Variants in MAP3K7CL observed in about 807,000 individuals in gnomAD.
MAP3K7CL encodes MAP3K7 C-terminal-like protein.
MAP3K7CL carries 16 observed loss-of-function variants against 18.6 expected under a neutral mutation model. The observed-to-expected ratio is 0.86, with a 90% CI of 0.58 to 1.31. The LOEUF is 1.31. MAP3K7CL is among the 50% of genes most tolerant of loss of function. The pLI is 0.00. For synonymous variants in MAP3K7CL, 65 were observed against 66.8 expected (o/e 0.97, Z 0.13); for missense variants, 163 against 174.4 (o/e 0.93, Z 0.37).
intron 4 of MAP3K7CL, among the ~76,000 whole-genome samples, chr21:29,109,956 CCAA>C (rs138710455): frequency 0.03 from 4,504 of 152,250 alleles, 103 homozygotes; most frequent in Middle Eastern, 0.099. Flanking sequence ...TGCAAACCCA[CCAA>C]CAAGAGATGT....
At chr21:29,103,437 A>G (rs2086267131) in intron 4 of MAP3K7CL, among the ~76,000 whole-genome samples, 1 of 152,026 alleles carries the variant, frequency 6.6e-6, no homozygotes, top group South Asian at 2.1e-4. Flanking sequence ...CAAAAAAAAA[A>G]TTAAAAATTA....
At chr21:29,114,113 G>C (rs2086465986) in intron 4 of MAP3K7CL, among the ~76,000 whole-genome samples, 2 of 152,082 alleles carry the variant, frequency 1.3e-5, no homozygotes, top group African/African-American at 4.8e-5. Context: ...CTGTCACCCA[G>C]GCTGGAGTGC....
chr21:29,109,605 A>G, intron 4 of MAP3K7CL: 1 of 1,001,358 alleles, frequency 1.0e-6, no homozygotes, highest in Non-Finnish European at 1.2e-6. Flanking sequence ...ATAGCACATT[A>G]TTCCCCTCGT....
At chr21:29,169,491 A>C (rs796607282) in intron 4 of MAP3K7CL, among the ~76,000 whole-genome samples, 41 of 152,320 alleles carry the variant, frequency 2.7e-4, no homozygotes, top group African/African-American at 9.9e-4. Context: ...CTCAAGATCC[A>C]CCAACAATAC....
intron 2 of MAP3K7CL, among the ~76,000 whole-genome samples, chr21:29,148,178 G>T (rs2087185655): frequency 1.3e-5 from 2 of 151,714 alleles, no homozygotes; most frequent in South Asian, 4.2e-4. Flanking sequence ...TGTACTGTAT[G>T]TATATGTGTA....
intron 4 of MAP3K7CL, among the ~76,000 whole-genome samples, chr21:29,166,244 C>T (rs970138458): frequency 2.6e-5 from 4 of 152,148 alleles, no homozygotes; most frequent in Non-Finnish European, 4.4e-5. Context: ...CACATAGGAG[C>T]GTGATTGTGT....
chr21:29,160,170 C>G, intron 4 of MAP3K7CL, 114 bp downstream of exon 4: 1 of 689,838 alleles, frequency 1.4e-6, no homozygotes, highest in Non-Finnish European at 2.4e-6. Context: ...AAGGGGGTTA[C>G]AGCAATGATT....
Position 29,149,207 on chromosome 21 carries a change from A to G in MAP3K7CL, c.89A>G (p.Asp30Gly). ...GTTTTAGATGATACACCCCCTGAAG[A>G]CTCCATTCCTTTGGTCTTTCCAGAA... ...NDASDDTPPE[D>G]SIPLVFPELD... Residue 30 changes from aspartate to glycine, a missense_variant, in exon 3 of 5, where the codon GAC becomes GGC. Coordinates refer to ENST00000399928, the MANE Select transcript of MAP3K7CL (RefSeq NM_001286620.2). 6.2e-7 allele frequency: 1 copy of G among 1,613,826 alleles called. No homozygotes were observed. The highest frequency in any genetic ancestry group is 8.5e-7 in the Non-Finnish European group (1 of 1,179,820).
chr21:29,109,542 C>G (rs1034904046), intron 4 of MAP3K7CL: 11 of 1,038,590 alleles, frequency 1.1e-5, no homozygotes, highest in Non-Finnish European at 1.3e-5. Flanking sequence ...TCCATAAGTA[C>G]TTTACTCTAC....
In MAP3K7CL at chr21:29,149,207, A is replaced by T; in HGVS notation, c.89A>T (p.Asp30Val). Residue 30 changes from aspartate (D) to valine (V), a missense_variant, in exon 3 of 5, where the codon GAC becomes GTC. By Grantham distance (152) the Asp-to-Val change is radical (BLOSUM62 -3). Coordinates refer to ENST00000399928, the MANE Select transcript of MAP3K7CL (RefSeq NM_001286620.2). Reference sequence around the variant, plus strand: ...GTTTTAGATGATACACCCCCTGAAGACTCCATTCCTTTGGTCTTTCCAGAA... The same window carrying T: ...GTTTTAGATGATACACCCCCTGAAGTCTCCATTCCTTTGGTCTTTCCAGAA... ...NDASDDTPPE[D>V]SIPLVFPELD... is the part of the protein sequence containing the mutation. The T allele has an allele frequency of 6.2e-7, 1 of 1,613,826 alleles. No individual in the cohort carries two copies. Among genetic ancestry groups the T allele is most frequent in the Non-Finnish European group, 8.5e-7 (1 of 1,179,820 alleles).
chr21:29,111,171 G>T (rs2086413360), intron 4 of MAP3K7CL, among the ~76,000 whole-genome samples: 2 of 152,060 alleles, frequency 1.3e-5, no homozygotes, highest in Non-Finnish European at 2.9e-5. Flanking sequence ...CAGAAGAATT[G>T]CTTGAACCCG....
intron 4 of MAP3K7CL, among the ~76,000 whole-genome samples, chr21:29,171,451 C>T (rs138513371): frequency 6.6e-6 from 1 of 152,200 alleles, no homozygotes; most frequent in African/African-American, 2.4e-5. Context: ...TCCTTATTTA[C>T]TCCTTGTCTT....
At chr21:29,168,825 A>G (rs2087754253) in intron 4 of MAP3K7CL, among the ~76,000 whole-genome samples, 1 of 152,186 alleles carries the variant, frequency 6.6e-6, no homozygotes, top group African/African-American at 2.4e-5. Context: ...CAGCATATTT[A>G]CTCTTCTCAG....
intron 4 of MAP3K7CL, among the ~76,000 whole-genome samples, chr21:29,103,668 G>T (rs1010777547): frequency 6.6e-6 from 1 of 152,052 alleles, no homozygotes; most frequent in Non-Finnish European, 1.5e-5. Flanking sequence ...CTGGGAGGTG[G>T]AGGTTGCAGT....
chr21:29,127,242 T>C (rs980860034), upstream of MAP3K7CL, among the ~76,000 whole-genome samples: 2 of 152,222 alleles, frequency 1.3e-5, no homozygotes, highest in African/African-American at 2.4e-5. Context: ...TTGAATATTA[T>C]TGAAAATAAC....
chr21:29,095,887 C>A (rs1441611561), intron 4 of MAP3K7CL, among the ~76,000 whole-genome samples: 1 of 152,138 alleles, frequency 6.6e-6, no homozygotes, highest in Non-Finnish European at 1.5e-5. Flanking sequence ...AATTAATACA[C>A]AGAGAAACAC....
intron 2 of MAP3K7CL, among the ~76,000 whole-genome samples, chr21:29,144,559 A>G (rs1199521659): frequency 6.6e-6 from 1 of 152,140 alleles, no homozygotes; most frequent in East Asian, 1.9e-4. Context: ...TATGGTGGAA[A>G]GAGCCCAGGG....
In MAP3K7CL at chr21:29,092,440, A is replaced by AT; in HGVS notation, c.232dup (p.Ser78PhefsTer48). 6.2e-7 allele frequency: 1 copy of AT among 1,614,132 alleles called. No homozygotes were observed. Among genetic ancestry groups the AT allele is most frequent in the Non-Finnish European group, 8.5e-7 (1 of 1,179,990 alleles). On this transcript the variant is annotated frameshift_variant and splice_region_variant, in exon 4 of 7. Coordinates refer to the MAP3K7CL transcript ENST00000286791. LOFTEE classifies it high-confidence loss of function. ...GATTTGGCCTTGATCTTTATTTAGT[A>AT]TTTCAGTTTTATGCTCTGCAACAAG... is the stretch of plus-strand genomic sequence containing the variant.
intron 4 of MAP3K7CL, among the ~76,000 whole-genome samples, chr21:29,103,130 T>A (rs778893062): frequency 1.3e-5 from 2 of 152,242 alleles, no homozygotes; most frequent in Admixed American, 6.5e-5. Context: ...AAATCCAGTC[T>A]GCAGCCTGTC....
Sources: allele counts gnomAD v4.1 joint callset (sites outside exome capture counted in the v4.1 genomes callset), GRCh38; gene constraint gnomAD v4.1.1; transcripts MANE v1.5; gene names NCBI Gene and HGNC (gene_info 2026-07-23, HGNC 2026-07-21).